POLN: variants seen among roughly 807,000 people sequenced by gnomAD.
POLN encodes the protein DNA polymerase nu.
In POLN, 108 loss-of-function variants were observed where a neutral mutation model predicts 113.5. The ratio of observed to expected loss-of-function variants is 0.95; its 90% confidence interval spans 0.81 to 1.12. The LOEUF is 1.12. Ranked by LOEUF, POLN falls within the 50% of genes most tolerant of loss-of-function variation. The pLI, the probability that POLN is intolerant of heterozygous loss-of-function variation, is 0.00. For missense variants in POLN, 1,097 were observed against 1,077.1 expected (o/e 1.02, Z -0.26); for synonymous variants, 386 against 391.5 (o/e 0.99, Z 0.17).
intron 18 of POLN, among the ~76,000 whole-genome samples, chr4:2,128,948 G>C (rs1299709818): frequency 6.6e-6 from 1 of 151,834 alleles, no homozygotes; most frequent in Non-Finnish European, 1.5e-5. Flanking sequence ...CCAGTTACTT[G>C]GGAGGTTGAG....
chr4:2,118,038 T>C (rs889649412), intron 19 of POLN, among the ~76,000 whole-genome samples: 18 of 152,242 alleles, frequency 1.2e-4, no homozygotes, highest in Non-Finnish European at 2.4e-4. Context: ...TATTTGACTT[T>C]AGTCAGCTCT....
At chr4:2,149,505 A>G (rs921392203) in intron 16 of POLN, among the ~76,000 whole-genome samples, 1 of 152,210 alleles carries the variant, frequency 6.6e-6, no homozygotes, top group Non-Finnish European at 1.5e-5. Flanking sequence ...AAATGAGGGC[A>G]TTGGAAACAG....
intron 20 of POLN, chr4:2,088,985 A>G (rs1222571050): frequency 8.0e-6 from 7 of 873,920 alleles, no homozygotes; most frequent in South Asian, 1.5e-5. Flanking sequence ...TTTCCTAGTC[A>G]GACAGCCTTT....
At chr4:2,080,333 A>C in intron 23 of POLN, 1 of 1,006,194 alleles carries the variant, frequency 9.9e-7, no homozygotes, top group Non-Finnish European at 1.2e-6. Context: ...CAGAGGCCTG[A>C]GAGAGCTGTG....
intron 3 of POLN, among the ~76,000 whole-genome samples, chr4:2,221,005 G>A (rs776840943): frequency 1.7e-4 from 26 of 151,912 alleles, no homozygotes; most frequent in Non-Finnish European, 3.2e-4. Flanking sequence ...ACATAATGAC[G>A]GAGCATGTCT....
chr4:2,158,749 A>G (rs1274545377), intron 14 of POLN, among the ~76,000 whole-genome samples: 1 of 152,208 alleles, frequency 6.6e-6, no homozygotes, highest in Non-Finnish European at 1.5e-5. Context: ...CACTCATGAA[A>G]TCCCTGGCAA....
At chr4:2,222,370 C>T (rs1206974367) in intron 3 of POLN, among the ~76,000 whole-genome samples, 1 of 151,942 alleles carries the variant, frequency 6.6e-6, no homozygotes, top group Non-Finnish European at 1.5e-5. Context: ...TGGTGAAACC[C>T]CATGTGTACT....
chr4:2,193,206 T>G lies in POLN; in HGVS notation c.1019A>C (p.His340Pro). 1 of 1,585,700 alleles carries G rather than the reference T, an allele frequency of 6.3e-7. No homozygotes were observed. Among genetic ancestry groups the G allele is most frequent in the Non-Finnish European group, 8.6e-7 (1 of 1,159,480 alleles). ...AGAGAATAAAAAATATAACTTACCA[T>G]GCTTCCAACTGCCATCATTGCCAAA... ...QFFGNDGSWKHVADFIGLDPR... is the reference protein window; with the variant it reads ...QFFGNDGSWKPVADFIGLDPR... The change falls in exon 7 of 26, where the codon CAT (histidine) becomes CCT (proline). Residue 340 changes from histidine to proline, a missense_variant and splice_region_variant. Transcript: ENST00000511885.
chr4:2,179,161 G>GTGA (rs1459317771), intron 8 of POLN, 147 bp downstream of exon 8: 1 of 786,210 alleles, frequency 1.3e-6, no homozygotes, highest in African/African-American at 1.8e-5. Context: ...CACCAGAAAT[G>GTGA]CCAAGGTCAC....
intron 4 of POLN, among the ~76,000 whole-genome samples, chr4:2,211,292 TAATAATAAG>T (rs1489854027): frequency 1.4e-5 from 2 of 142,230 alleles, no homozygotes; most frequent in African/African-American, 5.3e-5. Context: ...ATAATAATAA[TAATAATAAG>T]AGGATTGTGG....
intron 19 of POLN, among the ~76,000 whole-genome samples, chr4:2,115,393 C>T (rs1731293052): frequency 6.6e-6 from 1 of 151,850 alleles, no homozygotes; most frequent in Non-Finnish European, 1.5e-5. Context: ...TATTTTTCAT[C>T]TCTTCCAATC....
At position 2,207,943 on chromosome 4, in the gene POLN, T is replaced by C. The variant is rs765028700; in HGVS notation, c.714+44A>G. On this transcript the variant is annotated intron_variant, in intron 5 of 25. Coordinates refer to ENST00000511885, the MANE Select transcript of POLN (RefSeq NM_181808.4). ...CTGACACTAAGAAAATGGGCTTCTTTTATGGTGTCAAGACAGCAAATAAAA... is the reference window on the plus strand; with the variant it reads ...CTGACACTAAGAAAATGGGCTTCTTCTATGGTGTCAAGACAGCAAATAAAA... 1.6e-5 allele frequency: 24 copies of C among 1,522,038 alleles called. No homozygotes were observed. The South Asian group carries it at 2.8e-4, about 18-fold the overall frequency. The allele number at this position is 1,522,038 out of a possible 1,614,324, so 94.3% of individuals were successfully genotyped here. A position where few individuals can be genotyped will look rare whatever the true frequency, so the allele number is the denominator to read the frequency against.
chr4:2,129,892 G>A (rs934516530), intron 17 of POLN, among the ~76,000 whole-genome samples: 2 of 152,016 alleles, frequency 1.3e-5, no homozygotes, highest in Non-Finnish European at 2.9e-5. Context: ...GGGCAGCAGG[G>A]GATGAAGCTG....
At chr4:2,116,775 C>T (rs1731327349) in intron 19 of POLN, among the ~76,000 whole-genome samples, 1 of 152,120 alleles carries the variant, frequency 6.6e-6, no homozygotes, top group South Asian at 2.1e-4. Flanking sequence ...AGCTCCCTTC[C>T]AAAGTTGTTC....
intron 7 of POLN, among the ~76,000 whole-genome samples, chr4:2,180,281 TGAAG>T (rs1379861563): frequency 6.6e-6 from 1 of 152,170 alleles, no homozygotes; most frequent in Non-Finnish European, 1.5e-5. Context: ...ACTTTAGACA[TGAAG>T]GGAGAGTCAT....
At chr4:2,148,292 T>C (rs1344281225) in intron 16 of POLN, among the ~76,000 whole-genome samples, 2 of 151,924 alleles carry the variant, frequency 1.3e-5, no homozygotes, top group African/African-American at 4.8e-5. Context: ...ACAAATTCAG[T>C]GAGCTATGGG....
chr4:2,080,324 A>G, intron 23 of POLN: 1 of 1,004,240 alleles, frequency 1.0e-6, no homozygotes, highest in African/African-American at 1.8e-5. Context: ...AGGCAGGGAC[A>G]GAGGCCTGAG....
intron 16 of POLN, among the ~76,000 whole-genome samples, chr4:2,146,958 T>C (rs1477271838): frequency 6.6e-6 from 1 of 152,140 alleles, no homozygotes; most frequent in Non-Finnish European, 1.5e-5. Flanking sequence ...AGCATATATT[T>C]AGGAAAATAA....
chr4:2,089,048 C>T (rs1730609982), intron 20 of POLN: 1 of 886,014 alleles, frequency 1.1e-6, no homozygotes, highest in Non-Finnish European at 1.8e-6. Flanking sequence ...TAGCTTTGAA[C>T]TTAGAACTTT....
Sources: gnomAD v4.1 joint callset for allele counts (sites outside exome capture counted in the v4.1 genomes callset) on GRCh38, gnomAD v4.1.1 for gene constraint, MANE v1.5 for transcripts, NCBI Gene and HGNC (gene_info 2026-07-23, HGNC 2026-07-21) for gene names.